The following ETV5 variants were observed in gnomAD, a reference collection of about 807,000 sequenced individuals.
ETV5 encodes the protein ETS translocation variant 5.
ETV5 carries 10 observed loss-of-function variants against 70.0 expected under a neutral mutation model. The observed-to-expected ratio is 0.14, with a 90% CI of 0.09 to 0.24. The LOEUF is 0.24. Among genes scored for constraint, ETV5 ranks in the 10% least tolerant of loss-of-function variants. The pLI, the probability that ETV5 is intolerant of heterozygous loss-of-function variation, is 1.00. For missense variants in ETV5, 453 were observed against 651.2 expected, an observed-to-expected ratio of 0.70 and a Z score of 3.31; for synonymous variants, 216 against 242.2, an observed-to-expected ratio of 0.89 and a Z score of 1.01.
At position 186,048,092 on chromosome 3, in the gene ETV5, C is replaced by G. The variant is rs544162527; in HGVS notation, c.*547G>C. ...GGGGAACAGCTGTTCTGACTGCCCC[C>G]CTTTTTCTAGACAAGGGGTAATATT... On this transcript the variant is annotated 3_prime_UTR_variant, in exon 13 of 13. Coordinates refer to ENST00000306376, the MANE Select transcript of ETV5 (RefSeq NM_004454.3). The G allele has an allele frequency of 4.3e-6, 1 of 234,086 alleles. No homozygotes were observed. Among genetic ancestry groups the G allele is most frequent in the African/African-American group, 2.2e-5 (1 of 45,300 alleles). The allele number at this position is 234,086 out of a possible 1,614,324, so 14.5% of individuals were successfully genotyped here.
chr3:186,086,448 G>A (rs1309755886), intron 5 of ETV5, among the ~76,000 whole-genome samples: 1 of 152,142 alleles, frequency 6.6e-6, no homozygotes, highest in East Asian at 1.9e-4. Flanking sequence ...AGGAAAGAAA[G>A]CTGTCATTAT....
intron 5 of ETV5, among the ~76,000 whole-genome samples, chr3:186,097,133 G>A (rs1324006275): frequency 1.3e-5 from 2 of 152,144 alleles, no homozygotes; most frequent in Admixed American, 1.3e-4. Flanking sequence ...CTCAGAGGCT[G>A]GGTTTTTCTG....
chr3:186,091,483 C>T (rs1264192176), intron 5 of ETV5, among the ~76,000 whole-genome samples: 1 of 152,098 alleles, frequency 6.6e-6, no homozygotes, highest in Non-Finnish European at 1.5e-5. Context: ...GAATCCCTTC[C>T]TATAAGGCCA....
chr3:186,084,282 T>TAAAAAA, intron 5 of ETV5: 19 of 216,728 alleles, frequency 8.8e-5, no homozygotes, highest in South Asian at 1.7e-4. Flanking sequence ...AAAGAAATGC[T>TAAAAAA]AAAAAAAAAA....
At chr3:186,104,137 G>A (rs1484807054) in intron 5 of ETV5, among the ~76,000 whole-genome samples, 1 of 152,208 alleles carries the variant, frequency 6.6e-6, no homozygotes, top group African/African-American at 2.4e-5. Context: ...ACTCTCAAGA[G>A]AGGCAGCATT....
chr3:186,103,618 C>CAA (rs1373906619), intron 5 of ETV5, among the ~76,000 whole-genome samples: 1 of 111,092 alleles, frequency 9.0e-6, no homozygotes, highest in African/African-American at 3.5e-5. Flanking sequence ...TTTCATCTTG[C>CAA]AAACACACAC....
Position 186,079,932 on chromosome 3 carries a change from G to C in ETV5, c.535C>G (p.His179Asp), listed in dbSNP as rs1313363913. The change falls in exon 7 of 13, where the codon CAT (histidine) becomes GAT (aspartate). Residue 179 changes from histidine to aspartate, a missense_variant. This residue lies in a region of ETV5 where 307 missense variants were observed against 344.9 expected (regional missense o/e 0.89). Transcript: ENST00000306376. ...VQGVGPAPAP[H>D]SLPEPGPQQQ... is the part of the protein sequence containing the mutation. The stretch of plus-strand genomic sequence containing the variant: ...TGTGGTCCAGGCTCTGGAAGCGAAT[G>C]GGGGGCGGGGGCGGGGCCCACACCT... 1 of 1,606,080 alleles carries C rather than the reference G, an allele frequency of 6.2e-7. No individual in the cohort carries two copies. The highest frequency in any genetic ancestry group is 1.7e-5 in the Admixed American group (1 of 59,060).
intron 7 of ETV5, among the ~76,000 whole-genome samples, chr3:186,071,729 C>G (rs1159926445): frequency 6.6e-6 from 1 of 151,920 alleles, no homozygotes; most frequent in Non-Finnish European, 1.5e-5. Flanking sequence ...TCGAGGCGGG[C>G]AGATCACCTT....
chr3:186,080,870 G>T, intron 6 of ETV5, 176 bp downstream of exon 6: 1 of 665,088 alleles, frequency 1.5e-6, no homozygotes, highest in Non-Finnish European at 2.4e-6. Context: ...TTTGTGTGCA[G>T]TACAATGATC....
chr3:186,050,042 C>T (rs1712988339), intron 12 of ETV5, among the ~76,000 whole-genome samples: 1 of 152,160 alleles, frequency 6.6e-6, no homozygotes, highest in African/African-American at 2.4e-5. Context: ...AATGAGCTCT[C>T]ATGTACTCGT....
In ETV5 at chr3:186,046,458, C is replaced by T. The variant is rs1387840975; in HGVS notation, c.*2181G>A. 1 of 230,930 alleles carries T rather than the reference C, an allele frequency of 4.3e-6. No individual in the cohort carries two copies. The highest frequency in any genetic ancestry group is 8.6e-6 in the Non-Finnish European group (1 of 116,576). 14.3% of individuals were successfully genotyped at this position (230,930 alleles called of 1,614,324 possible). On this transcript the variant is annotated 3_prime_UTR_variant, in exon 13 of 13. Coordinates refer to ENST00000306376, the MANE Select transcript of ETV5 (RefSeq NM_004454.3). Reference sequence around the variant, plus strand: ...GCCTTTCTGCACTGTAGACTTTCCACACTCTGGAAAAGAAGCAAACAAACA... The same window carrying T: ...GCCTTTCTGCACTGTAGACTTTCCATACTCTGGAAAAGAAGCAAACAAACA...
chr3:186,046,946 C>T lies in ETV5; in HGVS notation c.*1693G>A, dbSNP rs1712894350. 1 of 230,436 alleles carries T rather than the reference C, an allele frequency of 4.3e-6. No homozygotes were observed. Among genetic ancestry groups the T allele is most frequent in the Non-Finnish European group, 8.6e-6 (1 of 116,090 alleles). The allele number at this position is 230,436 out of a possible 1,614,324, so 14.3% of individuals were successfully genotyped here. ...CTCATGTTTCCATAGCTATAAAGTG[C>T]ACCCCTTATCCCTGCGAACCTCTTC... On this transcript the variant is annotated 3_prime_UTR_variant, in exon 13 of 13. Coordinates refer to ENST00000306376, the MANE Select transcript of ETV5 (RefSeq NM_004454.3).
chr3:186,088,231 A>G (rs189970156), intron 5 of ETV5, among the ~76,000 whole-genome samples: 7 of 152,300 alleles, frequency 4.6e-5, no homozygotes, highest in African/African-American at 1.4e-4. Flanking sequence ...GTTCACATGG[A>G]AAGTTGTGTC....
At chr3:186,108,704 G>T (rs891315580) in intron 1 of ETV5, 1 of 1,128,066 alleles carries the variant, frequency 8.9e-7, no homozygotes, top group Non-Finnish European at 1.1e-6. Flanking sequence ...CGTGTGGAAA[G>T]CCGCTCTCCC....
In ETV5 at chr3:186,105,188, C is replaced by A; in HGVS notation, c.232+117G>T. 1.3e-6 allele frequency: 1 copy of A among 744,814 alleles called. No homozygotes were observed. Among genetic ancestry groups the A allele is most frequent in the Non-Finnish European group, 2.2e-6 (1 of 457,622 alleles). 46.1% of individuals were successfully genotyped at this position (744,814 alleles called of 1,614,324 possible). A position where few individuals can be genotyped will look rare whatever the true frequency, so the allele number is the denominator to read the frequency against. ...GTTAATTCTGAATTATTAGAAGAAACTAAATGCATACTACTGTCTAAATCT... is the reference window on the plus strand; with the variant it reads ...GTTAATTCTGAATTATTAGAAGAAAATAAATGCATACTACTGTCTAAATCT... On this transcript the variant is annotated intron_variant, in intron 5 of 12. Coordinates refer to ENST00000306376, the MANE Select transcript of ETV5 (RefSeq NM_004454.3). This position sits in a 1 kb window ranked among gnomAD's most constrained non-coding sequence, Gnocchi z 4.5.
In ETV5 at chr3:186,056,666, T is replaced by C. The variant is rs988219076; in HGVS notation, c.1209+409A>G. On this transcript the variant is annotated intron_variant, in intron 11 of 12. Transcript: ENST00000306376. ...CAGTGGGTAGTTGTATCCTGTAATA[T>C]ATTGTCAAAATGTCATACAGTATGT... Among the ~76,000 whole-genome samples, 9 of 152,344 alleles carry C rather than the reference T, an allele frequency of 5.9e-5. No homozygotes were observed. In the East Asian group the frequency reaches 1.2e-3, roughly 20 times the overall value.
chr3:186,061,306 C>T (rs1350757844), intron 9 of ETV5, among the ~76,000 whole-genome samples: 1 of 152,142 alleles, frequency 6.6e-6, no homozygotes, highest in Non-Finnish European at 1.5e-5. Flanking sequence ...TGGAGGAAAC[C>T]TGGAAATCTA....
intron 9 of ETV5, among the ~76,000 whole-genome samples, chr3:186,058,092 A>T (rs1284415314): frequency 1.3e-5 from 2 of 152,234 alleles, no homozygotes; most frequent in African/African-American, 2.4e-5. Context: ...TCTAGCAATG[A>T]AACAAATTCA....
chr3:186,082,841 T>A (rs1170760442), intron 5 of ETV5, among the ~76,000 whole-genome samples: 1 of 152,256 alleles, frequency 6.6e-6, no homozygotes, highest in African/African-American at 2.4e-5. Flanking sequence ...GACAGATGAC[T>A]CTATCACAGA....
Sources: allele counts gnomAD v4.1 joint callset (sites outside exome capture counted in the v4.1 genomes callset), GRCh38; gene constraint gnomAD v4.1.1; regional missense constraint gnomAD v4.1.1; non-coding constraint Gnocchi (gnomAD v3.1); transcripts MANE v1.5; gene names NCBI Gene and HGNC (gene_info 2026-07-23, HGNC 2026-07-21).